The following PROM1 variants were observed in gnomAD, a reference collection of about 807,000 sequenced individuals.
PROM1 encodes prominin-1.
A neutral mutation model predicts 116.9 loss-of-function variants in PROM1; 105 were observed. That is an observed-to-expected ratio of 0.90 (90% CI 0.77 to 1.06). The LOEUF (loss-of-function observed/expected upper bound fraction) is 1.06. PROM1 is among the 50% of genes least tolerant of loss of function. PROM1 has a pLI of 0.00. For synonymous variants in PROM1, 393 were observed against 387.0 expected, an observed-to-expected ratio of 1.02 and a Z score of -0.18; for missense variants, 1,122 against 1,045.2, an observed-to-expected ratio of 1.07 and a Z score of -1.01.
Position 15,998,373 on chromosome 4 carries a change from A to G in PROM1, c.1682+12T>C. On this transcript the variant is annotated intron_variant, in intron 15 of 27. Coordinates refer to ENST00000447510, the MANE Select transcript of PROM1 (RefSeq NM_006017.3). ...TCTTAAATAGCGAAATGTATAATGC[A>G]AATATTGATACCTGTAAACTTGTTC... 3 of 1,577,500 alleles carry G rather than the reference A, an allele frequency of 1.9e-6. No homozygotes were observed. The highest frequency in any genetic ancestry group is 2.6e-6 in the Non-Finnish European group (3 of 1,165,874).
At chr4:15,975,836 T>C (rs1715975526) in intron 26 of PROM1, among the ~76,000 whole-genome samples, 1 of 152,100 alleles carries the variant, frequency 6.6e-6, no homozygotes, top group South Asian at 2.1e-4. Flanking sequence ...TGAAAACAAG[T>C]CTCGATTTAA....
intron 2 of PROM1, among the ~76,000 whole-genome samples, chr4:16,069,406 G>T (rs1742306385): frequency 6.6e-6 from 1 of 152,170 alleles, no homozygotes; most frequent in African/African-American, 2.4e-5. Flanking sequence ...ATTGGAAGTG[G>T]CACTACTCAT....
intron 2 of PROM1, among the ~76,000 whole-genome samples, chr4:16,051,211 G>A (rs992065732): frequency 6.6e-6 from 1 of 152,242 alleles, no homozygotes; most frequent in African/African-American, 2.4e-5. Flanking sequence ...CAACATGACA[G>A]GCTGAAGGAA....
At chr4:16,043,742 C>G (rs1560558988) in intron 2 of PROM1, among the ~76,000 whole-genome samples, 5 of 152,188 alleles carry the variant, frequency 3.3e-5, no homozygotes. Flanking sequence ...TGAGAGCACA[C>G]AGGTTGCCCC....
At chr4:16,038,585 T>C (rs1226981120) in intron 3 of PROM1, among the ~76,000 whole-genome samples, 1 of 151,638 alleles carries the variant, frequency 6.6e-6, no homozygotes, top group Non-Finnish European at 1.5e-5. Flanking sequence ...GTATTTTTAG[T>C]AGGGATGGAG....
chr4:16,073,808 T>C (rs1743347958), intron 2 of PROM1, among the ~76,000 whole-genome samples: 1 of 152,104 alleles, frequency 6.6e-6, no homozygotes, highest in African/African-American at 2.4e-5. Context: ...GCATTGGAAG[T>C]TGTGTAAGCT....
At chr4:16,078,519 T>A (rs1744415530) in intron 1 of PROM1, among the ~76,000 whole-genome samples, 1 of 152,238 alleles carries the variant, frequency 6.6e-6, no homozygotes, top group Non-Finnish European at 1.5e-5. Flanking sequence ...TTCATGAGAC[T>A]AGGCAAATCA....
At chr4:16,035,877 G>A in intron 3 of PROM1, 116 bp from the exon 4 acceptor site, 1 of 928,660 alleles carries the variant, frequency 1.1e-6, no homozygotes, top group Non-Finnish European at 1.7e-6. Flanking sequence ...CCCACAAGGA[G>A]GAAATTGGGT....
chr4:16,039,291 C>T lies in PROM1; in HGVS notation c.221-290G>A, dbSNP rs186332069. On this transcript the variant is annotated intron_variant, in intron 2 of 27. Coordinates refer to ENST00000447510, the MANE Select transcript of PROM1 (RefSeq NM_006017.3). ...TACACCTTAATATTTACCAGCAAACCGCATACAGCTTATTAATAATCATTT... is the reference window on the plus strand; with the variant it reads ...TACACCTTAATATTTACCAGCAAACTGCATACAGCTTATTAATAATCATTT... Among the ~76,000 whole-genome samples the T allele has an allele frequency of 4.1e-4, 62 of 152,192 alleles. No homozygotes were observed. The East Asian group carries it at 5.0e-3, about 12-fold the overall frequency.
At chr4:16,063,167 C>G (rs186622941) in intron 2 of PROM1, among the ~76,000 whole-genome samples, 7 of 152,226 alleles carry the variant, frequency 4.6e-5, no homozygotes, top group Admixed American at 1.3e-4. Flanking sequence ...GACAGAGGAA[C>G]ATGATAAAGA....
chr4:16,081,275 C>T (rs981695958), intron 1 of PROM1, among the ~76,000 whole-genome samples: 21 of 152,054 alleles, frequency 1.4e-4, no homozygotes, highest in Non-Finnish European at 2.5e-4. Context: ...CAAGTGTTTT[C>T]ATTGTTCAAT....
chr4:16,067,420 G>A (rs1055671936), intron 2 of PROM1, among the ~76,000 whole-genome samples: 2 of 152,158 alleles, frequency 1.3e-5, no homozygotes, highest in African/African-American at 4.8e-5. Flanking sequence ...TCTGAGCCTC[G>A]ACTTCCTCTT....
intron 13 of PROM1, among the ~76,000 whole-genome samples, chr4:16,001,150 G>C (rs887063320): frequency 6.6e-6 from 1 of 152,156 alleles, no homozygotes; most frequent in Non-Finnish European, 1.5e-5. Flanking sequence ...GTGGATGATG[G>C]AGATGTAATA....
At chr4:16,015,148 C>T (rs1727988433) in intron 10 of PROM1, among the ~76,000 whole-genome samples, 1 of 151,678 alleles carries the variant, frequency 6.6e-6, no homozygotes, top group African/African-American at 2.4e-5. Context: ...GAATTCGAGA[C>T]CAGCCTGGCC....
At chr4:16,003,724 GA>G (rs1217216849) in intron 13 of PROM1, among the ~76,000 whole-genome samples, 1 of 152,194 alleles carries the variant, frequency 6.6e-6, no homozygotes, top group Non-Finnish European at 1.5e-5. Flanking sequence ...GCTGAGGTCG[GA>G]GGATCTCTTG....
intron 2 of PROM1, among the ~76,000 whole-genome samples, chr4:16,043,584 G>A (rs1735824922): frequency 6.6e-6 from 1 of 152,222 alleles, no homozygotes; most frequent in Admixed American, 6.5e-5. Context: ...GCAAGAGACT[G>A]AGAATTGAAG....
At chr4:16,051,953 C>T (rs1223161328) in intron 2 of PROM1, among the ~76,000 whole-genome samples, 3 of 152,300 alleles carry the variant, frequency 2.0e-5, no homozygotes, top group Middle Eastern at 3.4e-3. Context: ...ATCTCTCCTA[C>T]ATAAAGTTCT....
chr4:15,995,127 T>C (rs1239718480), intron 15 of PROM1, among the ~76,000 whole-genome samples: 2 of 152,178 alleles, frequency 1.3e-5, no homozygotes, highest in East Asian at 1.9e-4. Flanking sequence ...AAGACCTCGG[T>C]TGACTATCAA....
At chr4:15,976,235 G>A (rs769204103) in intron 26 of PROM1, 4 of 454,536 alleles carry the variant, frequency 8.8e-6, no homozygotes, top group South Asian at 1.6e-5. Flanking sequence ...CAAGTGAGAA[G>A]AGTGGCATTT....
Sources: gnomAD v4.1 joint callset for allele counts (sites outside exome capture counted in the v4.1 genomes callset) on GRCh38, gnomAD v4.1.1 for gene constraint, MANE v1.5 for transcripts, NCBI Gene and HGNC (gene_info 2026-07-23, HGNC 2026-07-21) for gene names.